The following SRBD1 variants were observed in gnomAD, a reference collection of about 807,000 sequenced individuals.
The protein encoded by SRBD1 is S1 RNA binding domain 1, also known as S1 RNA-binding domain-containing protein 1.
In SRBD1, 88 loss-of-function variants were observed where a neutral mutation model predicts 115.3. The ratio of observed to expected loss-of-function variants is 0.76; its 90% CI spans 0.64 to 0.91. SRBD1 has a LOEUF of 0.91. Among genes scored for constraint, SRBD1 ranks in the 40% least tolerant of loss-of-function variants. The pLI is 0.00. For synonymous variants in SRBD1, 509 were observed against 407.7 expected (o/e 1.25, Z -2.99); for missense variants, 1,385 against 1,177.4 (o/e 1.18, Z -2.58).
chr2:45,523,031 C>T (rs527732906), intron 14 of SRBD1, among the ~76,000 whole-genome samples: 5 of 151,920 alleles, frequency 3.3e-5, no homozygotes, highest in Admixed American at 2.6e-4. Flanking sequence ...AACTTCTGGT[C>T]CCAAGCATGT....
chr2:45,577,595 C>G (rs1404894973), intron 7 of SRBD1, among the ~76,000 whole-genome samples: 2 of 152,018 alleles, frequency 1.3e-5, no homozygotes, highest in East Asian at 1.9e-4. Context: ...CACAGTATAG[C>G]TTTATGATTC....
At chr2:45,451,488 C>T (rs1366629249) in intron 16 of SRBD1, among the ~76,000 whole-genome samples, 2 of 151,954 alleles carry the variant, frequency 1.3e-5, no homozygotes, top group Admixed American at 6.6e-5. Flanking sequence ...GTATGACATA[C>T]TATCAGAGAT....
At chr2:45,535,294 A>T (rs1354246645) in intron 14 of SRBD1, among the ~76,000 whole-genome samples, 1 of 151,480 alleles carries the variant, frequency 6.6e-6, no homozygotes, top group East Asian at 1.9e-4. Context: ...TGAGGTCCAG[A>T]TGTTTCTACC....
rs1558380496 is a variant in SRBD1 at position 45,419,910 on chromosome 2, T to A, written c.2050-16A>T. On this transcript the variant is annotated splice_polypyrimidine_tract_variant and intron_variant, in intron 16 of 20. Transcript: ENST00000263736. ...ATACGTCATGCTGAAAAGACAAAGA[T>A]CAAATATTAACAGTGAAGGAGATGT... 1.2e-6 allele frequency: 2 copies of A among 1,602,270 alleles called. No homozygotes were observed. The highest frequency in any genetic ancestry group is 1.7e-5 in the Admixed American group (1 of 60,000).
chr2:45,430,769 G>A (rs1389494187), intron 16 of SRBD1, among the ~76,000 whole-genome samples: 1 of 152,160 alleles, frequency 6.6e-6, no homozygotes, highest in African/African-American at 2.4e-5. Context: ...AAAAGCAATG[G>A]CAACAAAAGC....
chr2:45,501,638 T>A (rs1436625766), intron 14 of SRBD1, among the ~76,000 whole-genome samples: 3 of 152,128 alleles, frequency 2.0e-5, no homozygotes, highest in African/African-American at 7.2e-5. Context: ...CACCAGGAGA[T>A]TATATCCCAC....
chr2:45,602,364 T>C (rs12233211), intron 2 of SRBD1, among the ~76,000 whole-genome samples: 39,551 of 152,076 alleles, frequency 0.26, 6,305 homozygotes, highest in East Asian at 0.6. Context: ...ATTCAAGACA[T>C]AGAAAATCAT....
chr2:45,427,453 A>C (rs1332689449), intron 16 of SRBD1, among the ~76,000 whole-genome samples: 4 of 152,178 alleles, frequency 2.6e-5, no homozygotes, highest in Non-Finnish European at 4.4e-5. Context: ...AATGGAAAGG[A>C]AAAATAAGCA....
At chr2:45,389,752 T>C (rs1391428303) in intron 20 of SRBD1, among the ~76,000 whole-genome samples, 153 bp from the exon 21 acceptor site, 2 of 152,180 alleles carry the variant, frequency 1.3e-5, no homozygotes, top group Non-Finnish European at 2.9e-5. Flanking sequence ...AACGCTTGCC[T>C]TCAGAGAACA....
intron 1 of SRBD1, 87 bp from the exon 2 acceptor site, chr2:45,605,528 C>T (rs1195355546): frequency 8.0e-7 from 1 of 1,242,566 alleles, no homozygotes; most frequent in African/African-American, 1.5e-5. Flanking sequence ...TCAAAACTAA[C>T]ATTTCATAGG....
chr2:45,476,115 C>A (rs1200348788), intron 16 of SRBD1, among the ~76,000 whole-genome samples: 1 of 152,192 alleles, frequency 6.6e-6, no homozygotes, highest in Non-Finnish European at 1.5e-5. Context: ...CTTAGTCCAA[C>A]TTGCTATAAA....
At chr2:45,441,023 T>C (rs941013945) in intron 16 of SRBD1, among the ~76,000 whole-genome samples, 2 of 152,228 alleles carry the variant, frequency 1.3e-5, no homozygotes, top group East Asian at 1.9e-4. Context: ...GTTCTAAAGA[T>C]ACATTTTCTC....
chr2:45,596,557 G>A (rs1399929786), intron 4 of SRBD1, among the ~76,000 whole-genome samples: 1 of 152,044 alleles, frequency 6.6e-6, no homozygotes, highest in Admixed American at 6.6e-5. Flanking sequence ...ACTTTAAGAT[G>A]GTTTTTCTGA....
intron 17 of SRBD1, 55 bp downstream of exon 17, chr2:45,419,733 T>C: frequency 1.3e-6 from 2 of 1,518,142 alleles, no homozygotes; most frequent in Non-Finnish European, 1.8e-6. Flanking sequence ...GAGTTTGGAC[T>C]GGACAGCCAG....
In SRBD1 at chr2:45,579,944, C is replaced by T. The variant is rs1460392948; in HGVS notation, c.1003G>A (p.Ala335Thr). 1.2e-6 allele frequency: 2 copies of T among 1,609,706 alleles called. No individual in the cohort carries two copies. Among genetic ancestry groups the T allele is most frequent in the East Asian group, 2.2e-5 (1 of 44,680 alleles). ...GGTTTCTCAAGCAGTGCCCTGGCTG[C>T]TCCTTCTAAGCCCAACTGTCTTGCT... Reference protein sequence around the residue: ...QRARQLGLEGAARALLEKPGE... With the variant: ...QRARQLGLEGTARALLEKPGE... Residue 335 changes from alanine to threonine, a missense_variant, in exon 7 of 21, where the codon GCA becomes ACA. By Grantham distance (58) the Ala-to-Thr change is moderately conservative (BLOSUM62 0). Transcript: ENST00000263736.
chr2:45,430,369 C>A (rs935931827), intron 16 of SRBD1, among the ~76,000 whole-genome samples: 3 of 152,298 alleles, frequency 2.0e-5, no homozygotes, highest in African/African-American at 7.2e-5. Context: ...AAGCTGGAGG[C>A]ATCACGCTAC....
chr2:45,593,463 A>G (rs777930675), intron 4 of SRBD1, among the ~76,000 whole-genome samples: 2 of 152,152 alleles, frequency 1.3e-5, no homozygotes, highest in Non-Finnish European at 2.9e-5. Flanking sequence ...GTCTCATGAG[A>G]TCTGATGGCT....
chr2:45,561,982 T>C (rs927250656), intron 10 of SRBD1, among the ~76,000 whole-genome samples: 2 of 152,326 alleles, frequency 1.3e-5, no homozygotes, highest in East Asian at 3.9e-4. Flanking sequence ...ATATGATACA[T>C]AGAGCATATT....
intron 4 of SRBD1, among the ~76,000 whole-genome samples, chr2:45,589,581 C>T (rs1343530640): frequency 2.6e-5 from 4 of 152,144 alleles, no homozygotes; most frequent in Admixed American, 2.0e-4. Context: ...TAAAAGAAAC[C>T]TAAGACAGCT....
Sources: allele counts gnomAD v4.1 joint callset (sites outside exome capture counted in the v4.1 genomes callset), GRCh38; gene constraint gnomAD v4.1.1; transcripts MANE v1.5; gene names NCBI Gene and HGNC (gene_info 2026-07-23, HGNC 2026-07-21).